The following ABCA12 variants were observed in gnomAD, a reference collection of about 807,000 sequenced individuals.
The protein encoded by ABCA12 is ATP binding cassette subfamily A member 12.
Under a neutral mutation model 293.5 loss-of-function variants are expected in ABCA12, and 156 were observed. That is an observed-to-expected ratio of 0.53 (90% confidence interval 0.47 to 0.61). ABCA12 has a LOEUF of 0.61. ABCA12 is among the 20% of genes least tolerant of loss of function. The pLI, the probability that ABCA12 is intolerant of heterozygous loss-of-function variation, is 0.00. For synonymous variants in ABCA12, 1,063 were observed against 1,108.0 expected, an observed-to-expected ratio of 0.96 and a Z score of 0.81; for missense variants, 2,797 against 3,090.2, an observed-to-expected ratio of 0.91 and a Z score of 2.25.
rs555715871 is a variant in ABCA12, at chr2:215,048,910, C to T, written c.693+716G>A. 1.4e-4 allele frequency among the ~76,000 whole-genome samples: 21 copies of T among 152,186 alleles called. No homozygotes were observed. In the East Asian group the frequency reaches 2.9e-3, roughly 21 times the overall value. ...TAGCAAATTATGCAGGAACAGAAAA[C>T]GAAATACTGCATTTTCTCACTTATA... On this transcript the variant is annotated intron_variant, in intron 6 of 52. Transcript: ENST00000272895.
At chr2:215,096,799 G>C (rs146818857) in intron 2 of ABCA12, among the ~76,000 whole-genome samples, 73 of 151,970 alleles carry the variant, frequency 4.8e-4, no homozygotes, top group African/African-American at 1.7e-3. Context: ...TATTTTTATT[G>C]CCATGGGTCA....
intron 3 of ABCA12, among the ~76,000 whole-genome samples, chr2:215,061,029 A>G (rs1575017891): frequency 6.6e-6 from 1 of 152,014 alleles, no homozygotes; most frequent in Non-Finnish European, 1.5e-5. Flanking sequence ...GATCTTTGCT[A>G]TTCGCCAACT....
intron 11 of ABCA12, among the ~76,000 whole-genome samples, chr2:215,024,251 T>C (rs1356456299): frequency 1.3e-5 from 2 of 152,222 alleles, no homozygotes; most frequent in Non-Finnish European, 2.9e-5. Flanking sequence ...ACAACACTTA[T>C]CTCACTGTAT....
chr2:214,948,907 C>G (rs1257814600), intron 46 of ABCA12, 133 bp downstream of exon 46: 4 of 1,149,634 alleles, frequency 3.5e-6, no homozygotes, highest in Non-Finnish European at 5.1e-6. Flanking sequence ...AACATTTCCA[C>G]CCACCTTAAT....
In ABCA12 at chr2:214,943,376, C is replaced by T. The variant is rs1173044758; in HGVS notation, c.7344-359G>A. On this transcript the variant is annotated intron_variant, in intron 49 of 52. Coordinates refer to ENST00000272895, the MANE Select transcript of ABCA12 (RefSeq NM_173076.3). ...CCCAGACCGTTCTTGAACTCCTGGG[C>T]TCAAGTGATCCTCCTGCCTTGGACC... is the stretch of plus-strand genomic sequence containing the variant. 3.3e-5 allele frequency among the ~76,000 whole-genome samples: 5 copies of T among 151,962 alleles called. No homozygotes were observed. The East Asian group carries it at 7.7e-4, about 23-fold the overall frequency.
chr2:215,048,375 A>G (rs1701245667), intron 6 of ABCA12, among the ~76,000 whole-genome samples: 1 of 151,964 alleles, frequency 6.6e-6, no homozygotes, highest in South Asian at 2.1e-4. Flanking sequence ...ACATATGTTA[A>G]CTGCAGCACT....
intron 2 of ABCA12, among the ~76,000 whole-genome samples, chr2:215,087,453 A>T (rs1446975325): frequency 2.0e-5 from 3 of 151,580 alleles, no homozygotes; most frequent in African/African-American, 7.3e-5. Flanking sequence ...AGATATGAAA[A>T]ATAAAATTCT....
rs1224778545 is a variant in ABCA12 at position 214,990,713 on chromosome 2, T to G, written c.3613A>C (p.Lys1205Gln). 8.7e-6 allele frequency: 14 copies of G among 1,614,014 alleles called. No individual in the cohort carries two copies. The highest frequency in any genetic ancestry group is 1.2e-5 in the Non-Finnish European group (14 of 1,179,926). ...TVENELSYVL[K>Q]VFMSLLSPTA... ...AACGGTTGACTTACCATGAACACTT[T>G]CAATACATAGCTCAACTCATTCTCC... Residue 1205 changes from lysine (K) to glutamine (Q), a missense_variant, in exon 24 of 53, where the codon AAA (lysine) becomes CAA (glutamine). This residue lies in a region of ABCA12 where 2,130 missense variants were observed against 2,427.0 expected (regional missense o/e 0.88). Coordinates refer to ENST00000272895, the MANE Select transcript of ABCA12 (RefSeq NM_173076.3).
intron 1 of ABCA12, among the ~76,000 whole-genome samples, chr2:215,137,469 A>C (rs1366214971): frequency 6.6e-6 from 1 of 152,232 alleles, no homozygotes; most frequent in Non-Finnish European, 1.5e-5. Flanking sequence ...AGGATCTAAT[A>C]GCTAACTTTG....
At chr2:214,994,720 G>C (rs1170636605) in intron 23 of ABCA12, among the ~76,000 whole-genome samples, 1 of 152,086 alleles carries the variant, frequency 6.6e-6, no homozygotes, top group East Asian at 1.9e-4. Flanking sequence ...ATTCCCACTG[G>C]TGGGGTGGAT....
intron 1 of ABCA12, among the ~76,000 whole-genome samples, chr2:215,134,568 A>G (rs1175878627): frequency 7.7e-6 from 1 of 130,440 alleles, no homozygotes; most frequent in African/African-American, 3.3e-5. Flanking sequence ...ATATGTGTGT[A>G]TATATATAAT....
intron 51 of ABCA12, among the ~76,000 whole-genome samples, chr2:214,934,913 A>ATTAG (rs72006379): frequency 0.028 from 4,271 of 152,244 alleles, 220 homozygotes; most frequent in African/African-American, 0.097. Flanking sequence ...CTTGATGCTT[A>ATTAG]TTAGTCCACA....
At chr2:214,985,312 C>A (rs1559130720) in intron 28 of ABCA12, among the ~76,000 whole-genome samples, 2 of 152,012 alleles carry the variant, frequency 1.3e-5, no homozygotes, top group African/African-American at 4.8e-5. Context: ...AACAGAAAAC[C>A]AAATACAAAT....
intron 38 of ABCA12, among the ~76,000 whole-genome samples, chr2:214,968,404 A>G (rs1699311621): frequency 6.6e-6 from 1 of 151,974 alleles, no homozygotes; most frequent in Non-Finnish European, 1.5e-5. Context: ...GAGTTCTTTC[A>G]TTTCCATTGC....
chr2:215,100,878 A>C (rs1702344253), intron 2 of ABCA12, among the ~76,000 whole-genome samples: 1 of 152,178 alleles, frequency 6.6e-6, no homozygotes, highest in South Asian at 2.1e-4. Context: ...ATAAAGCTAG[A>C]GTGGGAAGTG....
chr2:214,976,593 T>C (rs1445965557), intron 33 of ABCA12, among the ~76,000 whole-genome samples: 1 of 152,174 alleles, frequency 6.6e-6, no homozygotes, highest in Non-Finnish European at 1.5e-5. Flanking sequence ...GGAAATCCTC[T>C]CTTCCAGAGT....
intron 2 of ABCA12, chr2:215,075,727 A>T (rs1474744380): frequency 1.7e-6 from 1 of 581,688 alleles, no homozygotes; most frequent in African/African-American, 1.9e-5. Context: ...AATGGAGAAA[A>T]CAAATTTTAG....
At chr2:215,101,878 T>C (rs1202216211) in intron 2 of ABCA12, among the ~76,000 whole-genome samples, 2 of 152,170 alleles carry the variant, frequency 1.3e-5, no homozygotes, top group Admixed American at 1.3e-4. Flanking sequence ...CAAGAGATCA[T>C]GAAAAAGAAG....
chr2:215,098,639 G>T (rs1702293357), intron 2 of ABCA12, among the ~76,000 whole-genome samples: 1 of 152,210 alleles, frequency 6.6e-6, no homozygotes, highest in South Asian at 2.1e-4. Context: ...TGTTAGCTGT[G>T]CCAACAGCAA....
Sources: gnomAD v4.1 joint callset for allele counts (sites outside exome capture counted in the v4.1 genomes callset) on GRCh38, gnomAD v4.1.1 for gene constraint, gnomAD v4.1.1 regional missense constraint, MANE v1.5 for transcripts, NCBI Gene and HGNC (gene_info 2026-07-23, HGNC 2026-07-21) for gene names.